The following CRB2 variants were observed in gnomAD, a reference collection of about 807,000 sequenced individuals.
CRB2 encodes protein crumbs homolog 2.
A neutral mutation model predicts 110.9 loss-of-function variants in CRB2; 85 were observed. That is an observed-to-expected ratio of 0.77 (90% CI 0.64 to 0.92). CRB2 has a LOEUF of 0.92. CRB2 is among the 40% of genes least tolerant of loss of function. CRB2 has a pLI of 0.00. For synonymous variants in CRB2, 907 were observed against 831.0 expected, an observed-to-expected ratio of 1.09 and a Z score of -1.57; for missense variants, 1,843 against 1,851.3, an observed-to-expected ratio of 1.00 and a Z score of 0.08.
At chr9:123,356,775 C>T (rs774597808) in intron 1 of CRB2, among the ~76,000 whole-genome samples, 23 of 151,886 alleles carry the variant, frequency 1.5e-4, no homozygotes, top group Non-Finnish European at 2.9e-4. Context: ...GTGTCGCATG[C>T]TGGGTTGTGG....
At position 123,371,341 on chromosome 9, in the gene CRB2, C is replaced by T. The variant is rs376689681; in HGVS notation, c.2199C>T (p.Phe733=). 3.1e-6 allele frequency: 5 copies of T among 1,605,330 alleles called. No homozygotes were observed. The highest frequency in any genetic ancestry group is 1.3e-5 in the African/African-American group (1 of 74,828). Residue 733 remains phenylalanine, a synonymous_variant, in exon 8 of 13, where the codon TTC becomes TTT. Transcript: ENST00000373631. The part of the protein sequence containing the change: ...DGLRHLVMLS[F]GPDQLQDLGQ... ...TCCGTCACCTGGTGATGCTCAGCTT[C>T]GGGCCTGACCAGCTGCAGGACCTGG...
At chr9:123,378,980 G>T (rs1301101554), downstream of CRB2, among the ~76,000 whole-genome samples, 1 of 151,530 alleles carries the variant, frequency 6.6e-6, no homozygotes, top group East Asian at 1.9e-4. Context: ...GTAGAGACGG[G>T]GCTTCACCAT....
In CRB2 at chr9:123,366,105, G is replaced by T; in HGVS notation, c.607G>T (p.Val203Phe). 1 of 1,478,634 alleles carries T rather than the reference G, an allele frequency of 6.8e-7. No homozygotes were observed. The highest frequency in any genetic ancestry group is 2.8e-5 in the East Asian group (1 of 36,084). The allele number at this position is 1,478,634 out of a possible 1,614,324, so 91.6% of individuals were successfully genotyped here. A position where few individuals can be genotyped will look rare whatever the true frequency, so the allele number is the denominator to read the frequency against. Residue 203 changes from valine to phenylalanine, a missense_variant, in exon 3 of 13, where the codon GTC becomes TTC. Transcript: ENST00000373631. ...ACATGGGGGCACGTGCCACGACCTG[G>T]TCAACGGGTGAGCGAGCGGCGGGGC... ...CAHGGTCHDL[V>F]NGFRCDCAGT... is the part of the protein sequence containing the mutation.
At chr9:123,376,676 C>T (rs953818079) in intron 12 of CRB2, among the ~76,000 whole-genome samples, 162 bp from the exon 13 acceptor site, 1 of 152,192 alleles carries the variant, frequency 6.6e-6, no homozygotes, top group African/African-American at 2.4e-5. Flanking sequence ...CTGGCACTTG[C>T]CTGCATACCC....
upstream of CRB2, among the ~76,000 whole-genome samples, chr9:123,355,685 G>C (rs1309286766): frequency 6.7e-6 from 1 of 148,358 alleles, no homozygotes; most frequent in Admixed American, 6.7e-5. Flanking sequence ...GCTGCCCGAT[G>C]GGAGGTGCCT....
At chr9:123,367,416 T>G in intron 5 of CRB2, 59 bp downstream of exon 5, 5 of 1,279,450 alleles carry the variant, frequency 3.9e-6, no homozygotes, top group South Asian at 1.4e-5. Flanking sequence ...AGGGATCTTG[T>G]GCCCACCCCC....
chr9:123,366,193 C>A, intron 3 of CRB2, 34 bp from the exon 4 acceptor site: 5 of 1,390,190 alleles, frequency 3.6e-6, no homozygotes, highest in Non-Finnish European at 4.6e-6. Context: ...AAGGGGCAGG[C>A]GCGCGCTCAG....
At chr9:123,375,972 T>C (rs2797948) in intron 12 of CRB2, among the ~76,000 whole-genome samples, 149,252 of 152,250 alleles carry the variant, frequency 0.98, 73,230 homozygotes, top group Middle Eastern at 1. Context: ...CCTTGATCTC[T>C]ACAGGCTTCT....
chr9:123,371,692 G>C, intron 8 of CRB2, 114 bp downstream of exon 8: 1 of 1,441,134 alleles, frequency 6.9e-7, no homozygotes, highest in Non-Finnish European at 9.5e-7. Flanking sequence ...TGAGGCTCAG[G>C]AGGTGAAGTG....
At chr9:123,355,828 G>C (rs1326445699), upstream of CRB2, among the ~76,000 whole-genome samples, 1 of 151,336 alleles carries the variant, frequency 6.6e-6, no homozygotes, top group African/African-American at 2.4e-5. Flanking sequence ...AGAGGCCCGG[G>C]CTGGAGAGGT....
Position 123,372,251 on chromosome 9 carries a change from C to T in CRB2, c.2511C>T (p.Phe837=). The T allele has an allele frequency of 6.2e-7, 1 of 1,614,088 alleles. No homozygotes were observed. Reference sequence around the variant, plus strand: ...TCCACTGTACCTGCCCTGCCAATTTCACGGGGCCTACGTGTGCCCAGCAGC... The same window carrying T: ...TCCACTGTACCTGCCCTGCCAATTTTACGGGGCCTACGTGTGCCCAGCAGC... ...NDFHCTCPAN[F]TGPTCAQQLW... is the part of the protein sequence containing the mutation. The change falls in exon 9 of 13, where the codon TTC becomes TTT. Residue 837 remains phenylalanine, a synonymous_variant. Transcript: ENST00000373631.
chr9:123,364,411 C>T (rs187856353), intron 2 of CRB2, among the ~76,000 whole-genome samples: 48 of 79,858 alleles, frequency 6.0e-4, no homozygotes, highest in Non-Finnish European at 1.3e-3. Flanking sequence ...TCACACACTT[C>T]GGGTGACTCT....
In CRB2 at chr9:123,356,299, C is replaced by A; in HGVS notation, c.39C>A (p.Ala13=). 6.5e-7 allele frequency: 1 copy of A among 1,545,480 alleles called. No individual in the cohort carries two copies. The highest frequency in any genetic ancestry group is 8.7e-7 in the Non-Finnish European group (1 of 1,145,540). ...LARPGTPDPQ[A]LASVLLLLLW... ...GGCCTGGGACCCCGGACCCCCAGGC[C>A]CTGGCCTCTGTCCTGCTACTGCTGC... The change falls in exon 1 of 13, where the codon GCC becomes GCA. Residue 13 remains alanine, a synonymous_variant. Coordinates refer to ENST00000373631, the MANE Select transcript of CRB2 (RefSeq NM_173689.7).
At chr9:123,359,430 G>GTTTGTTTTTTTTTTTT (rs2041835449) in intron 1 of CRB2, among the ~76,000 whole-genome samples, 9 of 98,016 alleles carry the variant, frequency 9.2e-5, no homozygotes, top group South Asian at 3.3e-4. Context: ...GTGGTTTTTC[G>GTTTGTTTTTTTTTTTT]TTTTTGTTTT....
intron 10 of CRB2, 121 bp from the exon 11 acceptor site, chr9:123,374,458 A>G (rs1160701709): frequency 2.4e-5 from 17 of 705,584 alleles, no homozygotes; most frequent in Admixed American, 1.3e-4. Context: ...CCCATGCCCA[A>G]TAGAGGAAGG....
At position 123,363,019 on chromosome 9, in the gene CRB2, G is replaced by A. The variant is rs953035241; in HGVS notation, c.249G>A (p.Val83=). Residue 83 remains valine (V), a synonymous_variant, in exon 2 of 13, where the codon GTG becomes GTA. Transcript: ENST00000373631. ...CATGCCACCACGGCGCTCTGTGTGTGCCCCAGGGTCCAGATCCCACCGGCT... is the reference window on the plus strand; with the variant it reads ...CATGCCACCACGGCGCTCTGTGTGTACCCCAGGGTCCAGATCCCACCGGCT... ...TQPCHHGALC[V]PQGPDPTGFR... is the part of the protein sequence containing the mutation. The A allele has an allele frequency of 3.7e-6, 6 of 1,612,354 alleles. No individual in the cohort carries two copies. The highest frequency in any genetic ancestry group is 2.2e-5 in the South Asian group (2 of 91,076).
chr9:123,362,643 TG>T (rs1179245944), intron 1 of CRB2, among the ~76,000 whole-genome samples: 2 of 152,168 alleles, frequency 1.3e-5, no homozygotes, highest in African/African-American at 4.8e-5. Flanking sequence ...TCCTTGGTGC[TG>T]TTTCTCTGCT....
At position 123,366,088 on chromosome 9, in the gene CRB2, G is replaced by A; in HGVS notation, c.590G>A (p.Gly197Asp). 2.0e-6 allele frequency: 3 copies of A among 1,537,432 alleles called. No homozygotes were observed. The East Asian group carries it at 7.5e-5, about 39-fold the overall frequency. ...ECQSQPCAHG[G>D]TCHDLVNGFR... ...CAGAGCCAGCCGTGCGCACATGGGG[G>A]CACGTGCCACGACCTGGTCAACGGG... Residue 197 changes from glycine to aspartate, a missense_variant, in exon 3 of 13, where the codon GGC becomes GAC. Gly to Asp is a moderately conservative substitution (Grantham distance 94, BLOSUM62 -1). Transcript: ENST00000373631.
Position 123,359,437 on chromosome 9 carries a change from TTTTG to T in CRB2, c.94+3087_94+3090del, listed in dbSNP as rs1564367869. Among the ~76,000 whole-genome samples, 195 of 53,786 alleles carry T rather than the reference TTTTG, an allele frequency of 3.6e-3. 15 individuals carry two copies. Among genetic ancestry groups the T allele is most frequent in the South Asian group, 0.013 (16 of 1,248 alleles). 35.3% of individuals were successfully genotyped at this position (53,786 alleles called of 152,430 possible). On this transcript the variant is annotated intron_variant, in intron 1 of 12. Coordinates refer to ENST00000373631, the MANE Select transcript of CRB2 (RefSeq NM_173689.7). ...TTTTGTTTGTGGTTTTTCGTTTTTG[TTTTG>T]TTTTTTTTTTTTTTTTTTTTTTTTT...
Sources: allele counts gnomAD v4.1 joint callset (sites outside exome capture counted in the v4.1 genomes callset), GRCh38; gene constraint gnomAD v4.1.1; transcripts MANE v1.5; gene names NCBI Gene and HGNC (gene_info 2026-07-23, HGNC 2026-07-21).